Variants in CCDC198 observed in about 807,000 individuals in gnomAD.
CCDC198 encodes the protein factor associated with metabolism and energy.
In CCDC198, 18 loss-of-function variants were observed where a neutral mutation model predicts 35.6. The observed-to-expected ratio is 0.51, with a 90% CI of 0.35 to 0.75. The LOEUF is 0.75. Among genes scored for constraint, CCDC198 ranks in the 30% least tolerant of loss-of-function variants. The pLI, the probability that CCDC198 is intolerant of heterozygous loss-of-function variation, is 0.01. For missense variants in CCDC198, 365 were observed against 343.7 expected (o/e 1.06, Z -0.49); for synonymous variants, 119 against 113.4 (o/e 1.05, Z -0.31).
chr14:57,480,809 A>G, intron 4 of CCDC198, 55 bp from the exon 5 acceptor site: 3 of 1,579,190 alleles, frequency 1.9e-6, no homozygotes, highest in Non-Finnish European at 2.6e-6. Flanking sequence ...CTTTCACCAG[A>G]CTAGATCAAC....
rs572681241 is a variant in CCDC198 at position 57,472,838 on chromosome 14, A to G, written c.656-1248T>C. ...GAAAGCTGGCTTTTAAGAAAACAAA[A>G]TCTTCCCAACCACTTTGGAGCTGAA... is the stretch of plus-strand genomic sequence containing the variant. On this transcript the variant is annotated intron_variant, in intron 5 of 5. Transcript: ENST00000216445. Among the ~76,000 whole-genome samples, 40 of 152,200 alleles carry G rather than the reference A, an allele frequency of 2.6e-4. 1 individual carries two copies. The highest frequency in any genetic ancestry group is 6.5e-4 in the Admixed American group (10 of 15,268).
At chr14:57,485,600 C>T (rs1001791744) in intron 2 of CCDC198, among the ~76,000 whole-genome samples, 2 of 152,186 alleles carry the variant, frequency 1.3e-5, no homozygotes, top group African/African-American at 4.8e-5. Context: ...ATATTCAGCA[C>T]TTGTAATGGG....
chr14:57,479,855 A>T (rs2067123887), intron 5 of CCDC198, among the ~76,000 whole-genome samples: 1 of 152,166 alleles, frequency 6.6e-6, no homozygotes. Flanking sequence ...CACATGGAGA[A>T]CCACTGAAGT....
chr14:57,480,529 G>A, intron 5 of CCDC198, 66 bp downstream of exon 5: 1 of 1,557,908 alleles, frequency 6.4e-7, no homozygotes, highest in East Asian at 2.2e-5. Flanking sequence ...CCCTCCCTTG[G>A]TAGTTTATTT....
In CCDC198 at chr14:57,493,473, A is replaced by G. The variant is rs776692480; in HGVS notation, c.223+20T>C. On this transcript the variant is annotated intron_variant, in intron 1 of 5. Coordinates refer to ENST00000216445, the MANE Select transcript of CCDC198 (RefSeq NM_018168.4). ...TCCTTGGTCCAGATACACACATCTC[A>G]TGCTGGGTTTTATGTTTACCTGTAG... 1 of 1,589,522 alleles carries G rather than the reference A, an allele frequency of 6.3e-7. No homozygotes were observed. Among genetic ancestry groups the G allele is most frequent in the South Asian group, 1.1e-5 (1 of 90,506 alleles).
chr14:57,485,775 G>A (rs1036619581), intron 2 of CCDC198, among the ~76,000 whole-genome samples: 1 of 152,180 alleles, frequency 6.6e-6, no homozygotes, highest in Admixed American at 6.5e-5. Context: ...GAGACAACAA[G>A]GGGGAAGAGC....
chr14:57,486,522 A>T (rs1352923125), intron 2 of CCDC198, among the ~76,000 whole-genome samples: 1 of 152,044 alleles, frequency 6.6e-6, no homozygotes, highest in East Asian at 1.9e-4. Flanking sequence ...ATTGAGATTC[A>T]ACAGGTCTGG....
At chr14:57,493,430 TA>T in intron 1 of CCDC198, 62 bp downstream of exon 1, 1 of 1,364,532 alleles carries the variant, frequency 7.3e-7, no homozygotes, top group Non-Finnish European at 1.0e-6. Flanking sequence ...GACAGTCAGA[TA>T]AACCTATTAA....
At chr14:57,481,494 T>G in intron 4 of CCDC198, 65 bp downstream of exon 4, 12 of 1,109,522 alleles carry the variant, frequency 1.1e-5, no homozygotes, top group East Asian at 2.4e-5. Context: ...CTTGATATAT[T>G]CATGTGGCAG....
chr14:57,472,442 A>G (rs1180444937), intron 5 of CCDC198, among the ~76,000 whole-genome samples: 1 of 152,150 alleles, frequency 6.6e-6, no homozygotes, highest in African/African-American at 2.4e-5. Flanking sequence ...CTTGTTATTA[A>G]ATTGAGGTTA....
chr14:57,483,526 G>T (rs907067215), intron 2 of CCDC198, among the ~76,000 whole-genome samples: 1 of 152,110 alleles, frequency 6.6e-6, no homozygotes, highest in African/African-American at 2.4e-5. Flanking sequence ...CATCCCTTAG[G>T]TACCCAGCTG....
At chr14:57,488,715 AG>A (rs1176398108) in intron 2 of CCDC198, among the ~76,000 whole-genome samples, 1 of 152,200 alleles carries the variant, frequency 6.6e-6, no homozygotes, top group African/African-American at 2.4e-5. Context: ...AAGTGGGCAA[AG>A]GACATGAACA....
chr14:57,486,968 AT>A (rs2067383636), intron 2 of CCDC198, among the ~76,000 whole-genome samples: 2 of 152,180 alleles, frequency 1.3e-5, no homozygotes, highest in Admixed American at 1.3e-4. Flanking sequence ...AGCAACTAAC[AT>A]TGCACCTGGG....
chr14:57,493,425 TCAGATAAA>T, intron 1 of CCDC198, 60 bp downstream of exon 1: 1 of 1,300,042 alleles, frequency 7.7e-7, no homozygotes, highest in South Asian at 1.2e-5. Flanking sequence ...ATGGAGACAG[TCAGATAAA>T]CCTATTAATA....
At chr14:57,486,238 T>C (rs937750831) in intron 2 of CCDC198, among the ~76,000 whole-genome samples, 1 of 152,206 alleles carries the variant, frequency 6.6e-6, no homozygotes, top group Non-Finnish European at 1.5e-5. Context: ...TCGCAGCCAT[T>C]ACTGCACGCC....
At chr14:57,487,643 T>C (rs1258853879) in intron 2 of CCDC198, among the ~76,000 whole-genome samples, 1 of 152,174 alleles carries the variant, frequency 6.6e-6, no homozygotes, top group African/African-American at 2.4e-5. Context: ...ATAACGCTAG[T>C]TCATGACTTG....
intron 1 of CCDC198, among the ~76,000 whole-genome samples, chr14:57,492,875 C>A (rs926420294): frequency 4.6e-5 from 7 of 151,730 alleles, no homozygotes; most frequent in Non-Finnish European, 1.0e-4. Context: ...ATAAAATATC[C>A]CAGGATTTAT....
chr14:57,475,200 G>A, intron 5 of CCDC198: 5 of 295,756 alleles, frequency 1.7e-5, no homozygotes, highest in Non-Finnish European at 2.5e-5. Context: ...GGCGGAGCTT[G>A]CAGTGTGCAG....
At chr14:57,483,924 C>T (rs142716058) in intron 2 of CCDC198, among the ~76,000 whole-genome samples, 9 of 152,292 alleles carry the variant, frequency 5.9e-5, no homozygotes, top group East Asian at 5.8e-4. Context: ...GGGGATGCAA[C>T]GGTCACCAAA....
Sources: gnomAD v4.1 joint callset for allele counts (sites outside exome capture counted in the v4.1 genomes callset) on GRCh38, gnomAD v4.1.1 for gene constraint, MANE v1.5 for transcripts, NCBI Gene and HGNC (gene_info 2026-07-23, HGNC 2026-07-21) for gene names.